The following MAP3K5 variants were observed in gnomAD, a reference collection of about 807,000 sequenced individuals.
MAP3K5 encodes the protein ASK-1.
Under a neutral mutation model 158.7 loss-of-function variants are expected in MAP3K5, and 56 were observed. The ratio of observed to expected loss-of-function variants is 0.35; its 90% confidence interval spans 0.28 to 0.44. The LOEUF (loss-of-function observed/expected upper bound fraction) is 0.44, where lower values mean the gene tolerates loss of function less well. MAP3K5 is among the 20% of genes least tolerant of loss of function. The pLI is 1.00. For synonymous variants in MAP3K5, 579 were observed against 601.7 expected, an observed-to-expected ratio of 0.96 and a Z score of 0.55; for missense variants, 1,294 against 1,674.8, an observed-to-expected ratio of 0.77 and a Z score of 3.97.
At chr6:136,615,521 T>C (rs895893347) in intron 15 of MAP3K5, among the ~76,000 whole-genome samples, 2 of 152,200 alleles carry the variant, frequency 1.3e-5, no homozygotes, top group African/African-American at 4.8e-5. Flanking sequence ...GAAGGTCAGA[T>C]CTTACAAGTA....
intron 1 of MAP3K5, among the ~76,000 whole-genome samples, chr6:136,770,006 C>A (rs1284262365): frequency 6.6e-6 from 1 of 152,144 alleles, no homozygotes; most frequent in Non-Finnish European, 1.5e-5. Flanking sequence ...AAGTCCTATG[C>A]TACACTAACA....
At chr6:136,763,708 T>C (rs1201048137) in intron 1 of MAP3K5, among the ~76,000 whole-genome samples, 1 of 152,182 alleles carries the variant, frequency 6.6e-6, no homozygotes, top group Non-Finnish European at 1.5e-5. Context: ...ACTGCTGTGG[T>C]TTGAACAGTT....
chr6:136,718,912 A>G (rs1300651489), intron 2 of MAP3K5, among the ~76,000 whole-genome samples: 2 of 152,192 alleles, frequency 1.3e-5, no homozygotes, highest in Non-Finnish European at 2.9e-5. Context: ...GTGGCAGCTC[A>G]CACCTATAAT....
chr6:136,647,004 C>G (rs1332097266), intron 11 of MAP3K5, among the ~76,000 whole-genome samples: 2 of 152,198 alleles, frequency 1.3e-5, no homozygotes, highest in Non-Finnish European at 2.9e-5. Flanking sequence ...CTTGAGTCAC[C>G]TTACACTTAC....
chr6:136,728,370 A>G (rs972229173), intron 1 of MAP3K5, among the ~76,000 whole-genome samples: 4 of 152,144 alleles, frequency 2.6e-5, no homozygotes, highest in African/African-American at 9.7e-5. Context: ...AGAGTCTCCT[A>G]AAGACTCCAA....
chr6:136,650,493 C>G lies in MAP3K5; in HGVS notation c.1788+491G>C, dbSNP rs757175566. On this transcript the variant is annotated intron_variant, in intron 11 of 29. Transcript: ENST00000359015. ...AAATAGGTGGTCGCACAGCCCACCT[C>G]ACTTTGTGCACAGCACACTGAGTCA... 5.9e-5 allele frequency among the ~76,000 whole-genome samples: 9 copies of G among 152,356 alleles called. No homozygotes were observed. The East Asian group carries it at 1.7e-3, about 29-fold the overall frequency.
chr6:136,670,681 C>T (rs1157131882), intron 7 of MAP3K5, among the ~76,000 whole-genome samples: 1 of 152,028 alleles, frequency 6.6e-6, no homozygotes, highest in Non-Finnish European at 1.5e-5. Flanking sequence ...ATAAATTAAA[C>T]ATCAAATGAA....
intron 15 of MAP3K5, among the ~76,000 whole-genome samples, chr6:136,620,148 T>TA (rs1776738433): frequency 6.6e-6 from 1 of 152,120 alleles, no homozygotes; most frequent in Admixed American, 6.5e-5. Flanking sequence ...TGCAGGCCTG[T>TA]AATCCCAGCT....
rs1427314324 is a variant in MAP3K5 at position 136,580,197 on chromosome 6, A to G, written c.3517+104T>C. The G allele has an allele frequency of 4.0e-6, 3 of 752,528 alleles. No individual in the cohort carries two copies. In the African/African-American group the frequency reaches 5.2e-5, roughly 13 times the overall value. The allele number at this position is 752,528 out of a possible 1,614,324, so 46.6% of individuals were successfully genotyped here. On this transcript the variant is annotated intron_variant, in intron 25 of 29. Transcript: ENST00000359015. ...TGAAAATATTTCTTTAAAAAAGGGTATTATGGTTTTTAAAGTACTAAGGTG... is the reference window on the plus strand; with the variant it reads ...TGAAAATATTTCTTTAAAAAAGGGTGTTATGGTTTTTAAAGTACTAAGGTG...
chr6:136,631,283 GATGTAT>G (rs1777340329), intron 14 of MAP3K5, among the ~76,000 whole-genome samples: 1 of 152,094 alleles, frequency 6.6e-6, no homozygotes, highest in Admixed American at 6.6e-5. Flanking sequence ...CACTATAAGT[GATGTAT>G]TTTCTCAGGC....
rs749034154 is a variant in MAP3K5, at chr6:136,650,950, C to T, written c.1788+34G>A. On this transcript the variant is annotated intron_variant, in intron 11 of 29. Transcript: ENST00000359015. ...TAGAAGGGTGTAAAGTCCCTTGTTA[C>T]TAATGCTCTTGTGTTAATAACTGCA... 2.2e-6 allele frequency: 3 copies of T among 1,366,350 alleles called. No homozygotes were observed. The African/African-American group carries it at 4.3e-5, about 20-fold the overall frequency. 84.6% of individuals were successfully genotyped at this position (1,366,350 alleles called of 1,614,324 possible). A position where few individuals can be genotyped will look rare whatever the true frequency, so the allele number is the denominator to read the frequency against.
chr6:136,778,331 T>C (rs187231296), intron 1 of MAP3K5, among the ~76,000 whole-genome samples: 1 of 152,320 alleles, frequency 6.6e-6, no homozygotes, highest in African/African-American at 2.4e-5. Flanking sequence ...TCACATCTTT[T>C]ATAGCAGTAA....
chr6:136,656,684 G>T (rs551973568), intron 9 of MAP3K5, among the ~76,000 whole-genome samples: 4 of 151,978 alleles, frequency 2.6e-5, no homozygotes, highest in Non-Finnish European at 5.9e-5. Flanking sequence ...GAGTGCAGTG[G>T]TGTAATCTCG....
At chr6:136,755,828 A>G (rs1783454344) in intron 1 of MAP3K5, among the ~76,000 whole-genome samples, 2 of 152,152 alleles carry the variant, frequency 1.3e-5, no homozygotes, top group Non-Finnish European at 2.9e-5. Flanking sequence ...CACTCATTAG[A>G]TGAACAGATG....
At position 136,645,475 on chromosome 6, in the gene MAP3K5, C is replaced by T. The variant is rs376551959; in HGVS notation, c.1789-2906G>A. ...AGGCCCCTGCCTTTGCTTGATAATC[C>T]GTGAGGTAGGCCAAGGGTGCCCAAA... On this transcript the variant is annotated intron_variant, in intron 11 of 29. Coordinates refer to ENST00000359015, the MANE Select transcript of MAP3K5 (RefSeq NM_005923.4). Among the ~76,000 whole-genome samples the T allele has an allele frequency of 1.3e-3, 200 of 152,208 alleles. 2 individuals carry two copies. The highest frequency in any genetic ancestry group is 2.0e-3 in the Admixed American group (31 of 15,286).
intron 10 of MAP3K5, among the ~76,000 whole-genome samples, chr6:136,652,469 T>C (rs1321883692): frequency 1.3e-5 from 2 of 152,110 alleles, no homozygotes; most frequent in Non-Finnish European, 2.9e-5. Flanking sequence ...AACAGAGACA[T>C]AAGCGGTAAT....
chr6:136,639,796 C>T (rs1331349233), intron 12 of MAP3K5, among the ~76,000 whole-genome samples, 158 bp from the exon 13 acceptor site: 1 of 152,190 alleles, frequency 6.6e-6, no homozygotes, highest in Non-Finnish European at 1.5e-5. Context: ...ACTTCCTGCA[C>T]CACACTACTA....
At chr6:136,659,191 G>T in intron 9 of MAP3K5, 28 bp downstream of exon 9, 1 of 1,572,180 alleles carries the variant, frequency 6.4e-7, no homozygotes, top group Non-Finnish European at 8.7e-7. Flanking sequence ...TTTATTAATT[G>T]TATCAACATA....
intron 18 of MAP3K5, among the ~76,000 whole-genome samples, chr6:136,607,017 C>T (rs1012697496): frequency 6.6e-6 from 1 of 152,206 alleles, no homozygotes; most frequent in Admixed American, 6.5e-5. Context: ...CATGTCTGCT[C>T]TCAGAAAGCC....
Sources: gnomAD v4.1 joint callset for allele counts (sites outside exome capture counted in the v4.1 genomes callset) on GRCh38, gnomAD v4.1.1 for gene constraint, MANE v1.5 for transcripts, NCBI Gene and HGNC (gene_info 2026-07-23, HGNC 2026-07-21) for gene names.